The following IAH1 variants were observed in gnomAD, a reference collection of about 807,000 sequenced individuals.
The protein encoded by IAH1 is isoamyl acetate-hydrolyzing esterase 1 homolog.
IAH1 carries 24 observed loss-of-function variants against 26.7 expected under a neutral mutation model. That is an observed-to-expected ratio of 0.90 (90% CI 0.65 to 1.26). The LOEUF (loss-of-function observed/expected upper bound fraction) is 1.26. Among genes scored for constraint, IAH1 ranks in the 50% most tolerant of loss-of-function variants. The pLI, the probability that IAH1 is intolerant of heterozygous loss-of-function variation, is 0.00. For missense variants in IAH1, 300 were observed against 299.9 expected, an observed-to-expected ratio of 1.00 and a Z score of 0.00; for synonymous variants, 140 against 118.5, an observed-to-expected ratio of 1.18 and a Z score of -1.18.
At chr2:9,485,513 G>C (rs1355884908) in intron 5 of IAH1, 1 of 152,374 alleles carries the variant, frequency 6.6e-6, no homozygotes, top group South Asian at 2.1e-4. Context: ...AATTAGCTGG[G>C]CATGGTGGAG....
intron 6 of IAH1, chr2:9,494,918 A>C: frequency 1.1e-6 from 1 of 898,264 alleles, no homozygotes; most frequent in Non-Finnish European, 1.6e-6. Context: ...AGCCCCCACC[A>C]AGGAGTAGTT....
At chr2:9,505,544 C>T in the IAH1 span, 1 of 621,990 alleles carries the variant, frequency 1.6e-6, no homozygotes, top group East Asian at 2.8e-5. Flanking sequence ...AACTGGGAAC[C>T]TCCCTCCATA....
chr2:9,503,128 A>C, the IAH1 span, among the ~76,000 whole-genome samples: 12,444 of 145,282 alleles, frequency 0.086, 628 homozygotes, highest in African/African-American at 0.13. Flanking sequence ...CAACAGGGCG[A>C]GACTCTCTCA....
At chr2:9,490,595 TCAAA>T, downstream of IAH1, 1 of 1,383,070 alleles carries the variant, frequency 7.2e-7, no homozygotes, top group Admixed American at 2.4e-5. Context: ...CCCTTACCCA[TCAAA>T]CAGCCTCTTA....
downstream of IAH1, chr2:9,490,631 A>T: frequency 4.3e-6 from 5 of 1,163,312 alleles, no homozygotes; most frequent in Non-Finnish European, 5.9e-6. Context: ...CTGTGATGCT[A>T]AGAAAAAAGT....
intron 3 of IAH1, among the ~76,000 whole-genome samples, chr2:9,478,613 C>A (rs1240263548): frequency 6.6e-6 from 1 of 152,168 alleles, no homozygotes; most frequent in South Asian, 2.1e-4. Flanking sequence ...TTTCTAGAGT[C>A]TGTTAGTGCT....
At chr2:9,475,516 T>C (rs1256148435) in intron 1 of IAH1, among the ~76,000 whole-genome samples, 6 of 152,048 alleles carry the variant, frequency 3.9e-5, no homozygotes, top group Non-Finnish European at 2.9e-5. Context: ...TTTTTCTTTT[T>C]TTGAGACGGA....
At chr2:9,491,261 T>C (rs1662119453), downstream of IAH1, 1 of 963,874 alleles carries the variant, frequency 1.0e-6, no homozygotes, top group Admixed American at 2.3e-5. Flanking sequence ...GAACCTGAGT[T>C]GTAGAAAGTG....
At chr2:9,496,159 C>A in intron 6 of IAH1, among the ~76,000 whole-genome samples, 1 of 151,918 alleles carries the variant, frequency 6.6e-6, no homozygotes, top group South Asian at 2.1e-4. Flanking sequence ...AATGGAGTCT[C>A]GCTCTGTTGC....
the IAH1 span, among the ~76,000 whole-genome samples, chr2:9,504,486 GC>G: frequency 6.6e-6 from 1 of 150,672 alleles, no homozygotes; most frequent in Non-Finnish European, 1.5e-5. Flanking sequence ...AGATTATTTT[GC>G]CAGGCACGGT....
chr2:9,511,658 A>G, the IAH1 span, among the ~76,000 whole-genome samples: 2 of 152,098 alleles, frequency 1.3e-5, no homozygotes, highest in Middle Eastern at 3.2e-3. Flanking sequence ...TTTTTTTTCC[A>G]TATTTATCTG....
Position 9,478,252 on chromosome 2 carries a change from A to G in IAH1, c.165A>G (p.Ser55=). 1 of 1,607,702 alleles carries G rather than the reference A, an allele frequency of 6.2e-7. No individual in the cohort carries two copies. The highest frequency in any genetic ancestry group is 8.5e-7 in the Non-Finnish European group (1 of 1,177,832). Residue 55 remains serine, a synonymous_variant, in exon 3 of 6, where the codon TCA becomes TCG. Transcript: ENST00000497473. ...GTGATGTTCTGAATCGTGGATTTTC[A>G]GGTTACAATACCAGGTGGGCCAAAA... The part of the protein sequence containing the change: ...RKCDVLNRGF[S]GYNTRWAKII...
At position 9,481,279 on chromosome 2, in the gene IAH1, T is replaced by C. The variant is rs776839479; in HGVS notation, c.284-7T>C. On this transcript the variant is annotated splice_region_variant and splice_polypyrimidine_tract_variant and intron_variant, in intron 3 of 5. Transcript: ENST00000497473. ...ATCTGGTGAGGACTCATGTTTCTCTTGAGCAGATGAGAATCCCAAGCAGCA... is the reference window on the plus strand; with the variant it reads ...ATCTGGTGAGGACTCATGTTTCTCTCGAGCAGATGAGAATCCCAAGCAGCA... The C allele has an allele frequency of 7.4e-6, 12 of 1,613,896 alleles. No homozygotes were observed. The highest frequency in any genetic ancestry group is 1.0e-5 in the Non-Finnish European group (12 of 1,179,910).
intron 4 of IAH1, among the ~76,000 whole-genome samples, chr2:9,482,392 A>G (rs1190668119): frequency 6.6e-6 from 1 of 152,226 alleles, no homozygotes; most frequent in Non-Finnish European, 1.5e-5. Context: ...TGCAACACAG[A>G]ACAGCTATTT....
the IAH1 span, among the ~76,000 whole-genome samples, chr2:9,510,655 C>G: frequency 7.0e-6 from 1 of 143,456 alleles, no homozygotes; most frequent in Non-Finnish European, 1.5e-5. Flanking sequence ...CAGGGCGAGA[C>G]TTCGTCTCAA....
chr2:9,474,643 C>G lies in IAH1; in HGVS notation c.77C>G (p.Thr26Ser). ...PRLLLFGDSI[T>S]QFSFQQGGWG... ...TTGTTGCTCTTCGGGGACTCCATCA[C>G]CCAGGTACGGCCGCCCCGACGCTCG... The change falls in exon 1 of 6, where the codon ACC (threonine) becomes AGC (serine). Residue 26 changes from threonine (T) to serine (S), a missense_variant. Coordinates refer to ENST00000497473, the MANE Select transcript of IAH1 (RefSeq NM_001039613.3). The surrounding 1 kb of genome is among the most constrained non-coding windows in gnomAD (Gnocchi z 4.3). The G allele has an allele frequency of 6.4e-7, 1 of 1,552,380 alleles. No homozygotes were observed. Among genetic ancestry groups the G allele is most frequent in the Non-Finnish European group, 8.7e-7 (1 of 1,153,186 alleles).
chr2:9,502,279 G>A, the IAH1 span: 5 of 1,607,400 alleles, frequency 3.1e-6, no homozygotes, highest in Non-Finnish European at 4.3e-6. Context: ...TCCTGTCACT[G>A]GAGAAGAACA....
Position 9,477,065 on chromosome 2 carries a change from T to C in IAH1, c.134+1026T>C, listed in dbSNP as rs527414122. On this transcript the variant is annotated intron_variant, in intron 2 of 5. Transcript: ENST00000497473. ...CCCAGCCCAGCACTTCATTAAAGTA[T>C]TGTGATTTCACTCTGTAAAATGGCT... Among the ~76,000 whole-genome samples the C allele has an allele frequency of 3.9e-5, 6 of 152,318 alleles. No homozygotes were observed. In the South Asian group the frequency reaches 1.2e-3, roughly 32 times the overall value.
chr2:9,475,833 T>C lies in IAH1; in HGVS notation c.82-154T>C, dbSNP rs1682458404. ...CCCTCTGCTAAAGTGCTGCCAGGTG[T>C]ACTTACCTGTAATCCCCAAAATGAC... On this transcript the variant is annotated intron_variant, in intron 1 of 5. Coordinates refer to ENST00000497473, the MANE Select transcript of IAH1 (RefSeq NM_001039613.3). 13 of 653,174 alleles carry C rather than the reference T, an allele frequency of 2.0e-5. No individual in the cohort carries two copies. In the South Asian group the frequency reaches 2.4e-4, roughly 12 times the overall value. 40.5% of individuals were successfully genotyped at this position (653,174 alleles called of 1,614,324 possible).
Sources: allele counts gnomAD v4.1 joint callset (sites outside exome capture counted in the v4.1 genomes callset), GRCh38; gene constraint gnomAD v4.1.1; non-coding constraint Gnocchi (gnomAD v3.1); transcripts MANE v1.5; gene names NCBI Gene and HGNC (gene_info 2026-07-23, HGNC 2026-07-21).